The following LRP2 variants were observed in gnomAD, a reference collection of about 807,000 sequenced individuals.
The protein encoded by LRP2 is low-density lipoprotein receptor-related protein 2.
A neutral mutation model predicts 531.0 loss-of-function variants in LRP2; 172 were observed. The ratio of observed to expected loss-of-function variants is 0.32; its 90% confidence interval spans 0.29 to 0.37. LRP2 has a LOEUF of 0.37. Ranked by LOEUF, LRP2 falls within the 10% of genes least tolerant of loss-of-function variation. LRP2 has a pLI of 1.00. For synonymous variants in LRP2, 1,992 were observed against 2,027.6 expected, an observed-to-expected ratio of 0.98 and a Z score of 0.47; for missense variants, 5,167 against 5,868.3, an observed-to-expected ratio of 0.88 and a Z score of 3.90.
chr2:169,290,277 T>TA (rs1414924562), intron 8 of LRP2, among the ~76,000 whole-genome samples: 1 of 146,586 alleles, frequency 6.8e-6, no homozygotes, highest in African/African-American at 2.5e-5. Context: ...TTTTTTTTTT[T>TA]TTTTTTTTTT....
At chr2:169,353,062 C>A (rs1317938847) in intron 1 of LRP2, among the ~76,000 whole-genome samples, 1 of 152,144 alleles carries the variant, frequency 6.6e-6, no homozygotes. Flanking sequence ...TTAAAAAACA[C>A]AGATTTTCAT....
chr2:169,213,439 T>C (rs1396728842), intron 36 of LRP2, among the ~76,000 whole-genome samples: 2 of 152,216 alleles, frequency 1.3e-5, no homozygotes, highest in African/African-American at 4.8e-5. Flanking sequence ...GGGAATAAAC[T>C]TACTCTGAAG....
chr2:169,306,156 A>G (rs913339443), intron 4 of LRP2, among the ~76,000 whole-genome samples: 1 of 151,882 alleles, frequency 6.6e-6, no homozygotes, highest in African/African-American at 2.4e-5. Flanking sequence ...TATATGTTAT[A>G]TGTATATATT....
Position 169,204,083 on chromosome 2 carries a change from G to A in LRP2, c.7904C>T (p.Ser2635Phe). The A allele has an allele frequency of 2.5e-6, 4 of 1,614,152 alleles. No individual in the cohort carries two copies. The highest frequency in any genetic ancestry group is 1.3e-5 in the African/African-American group (1 of 75,036). The change falls in exon 42 of 79, where the codon TCC (serine) becomes TTC (phenylalanine). Residue 2635 changes from serine to phenylalanine, a missense_variant. Physicochemically the swap from Ser to Phe is radical, Grantham distance 155. Coordinates refer to ENST00000649046, the MANE Select transcript of LRP2 (RefSeq NM_004525.3). ...GQIAMTTNLL[S>F]QPRGINTVVK... Reference sequence around the variant, plus strand: ...AACAGTGTTGATTCCCCTGGGCTGGGAGAGCAAATTTGTGGTCATTGCAAT... The same window carrying A: ...AACAGTGTTGATTCCCCTGGGCTGGAAGAGCAAATTTGTGGTCATTGCAAT...
intron 26 of LRP2, 99 bp from the exon 27 acceptor site, chr2:169,238,401 A>C (rs993898387): frequency 2.3e-6 from 2 of 874,008 alleles, no homozygotes; most frequent in Non-Finnish European, 3.7e-6. Context: ...AACAGAAAGA[A>C]GGTGTAATTC....
At chr2:169,198,048 T>C (rs577831257) in intron 45 of LRP2, among the ~76,000 whole-genome samples, 7 of 152,204 alleles carry the variant, frequency 4.6e-5, no homozygotes, top group Non-Finnish European at 1.0e-4. Flanking sequence ...GGAAATTGTT[T>C]GAATGAACCA....
At chr2:169,282,776 CA>C (rs1360329742) in intron 10 of LRP2, 96 bp downstream of exon 10, 20 of 1,401,674 alleles carry the variant, frequency 1.4e-5, no homozygotes, top group Non-Finnish European at 1.0e-6. Context: ...CTGCCAACAA[CA>C]AAAATGCTGA....
chr2:169,142,843 T>C, intron 70 of LRP2, 50 bp from the exon 71 acceptor site: 1 of 1,609,158 alleles, frequency 6.2e-7, no homozygotes, highest in Non-Finnish European at 8.5e-7. Context: ...ATGAATAACC[T>C]GAATACCCAG....
At chr2:169,354,902 T>G (rs1685948866) in intron 1 of LRP2, among the ~76,000 whole-genome samples, 1 of 152,220 alleles carries the variant, frequency 6.6e-6, no homozygotes, top group African/African-American at 2.4e-5. Context: ...TCTTTAAGCT[T>G]CTTTCTCTCT....
chr2:169,197,493 C>T (rs73033887), intron 45 of LRP2, among the ~76,000 whole-genome samples: 11,600 of 152,238 alleles, frequency 0.076, 1,449 homozygotes, highest in African/African-American at 0.26. Context: ...AAGTTATCTT[C>T]GTATTCATCC....
chr2:169,302,435 G>A (rs1684307408), intron 4 of LRP2, among the ~76,000 whole-genome samples: 1 of 151,952 alleles, frequency 6.6e-6, no homozygotes, highest in Admixed American at 6.6e-5. Context: ...TAAATCAGTG[G>A]TTCTCAACTG....
chr2:169,241,126 T>A lies in LRP2; in HGVS notation c.3907A>T (p.Lys1303Ter). Residue 1303 changes from lysine to a stop codon, truncating the protein, a stop_gained, in exon 25 of 79, where the codon AAG (lysine) becomes TAG (stop). Coordinates refer to ENST00000649046, the MANE Select transcript of LRP2 (RefSeq NM_004525.3). LOFTEE classifies it high-confidence loss of function. The stretch of plus-strand genomic sequence containing the variant: ...CGAAAGGGCTGAGTAGGGCAGTCCT[T>A]CTCATCACTCATATCCCCGCAGTCA... ...DNDCGDMSDE[K>*]DCPTQPFRCP... 6.2e-7 allele frequency: 1 copy of A among 1,613,972 alleles called. No individual in the cohort carries two copies. Among genetic ancestry groups the A allele is most frequent in the Non-Finnish European group, 8.5e-7 (1 of 1,179,920 alleles).
chr2:169,310,795 C>T (rs914033566), intron 3 of LRP2, among the ~76,000 whole-genome samples: 1 of 152,154 alleles, frequency 6.6e-6, no homozygotes, highest in Non-Finnish European at 1.5e-5. Flanking sequence ...CCTCCTTGTA[C>T]CTCTGGTAGA....
chr2:169,299,764 C>T (rs1446260443), intron 4 of LRP2, among the ~76,000 whole-genome samples: 1 of 151,994 alleles, frequency 6.6e-6, no homozygotes, highest in Non-Finnish European at 1.5e-5. Flanking sequence ...TTCCCAGGGA[C>T]CCACCTGGGC....
Position 169,181,338 on chromosome 2 carries a change from C to G in LRP2, c.10169+110G>C, listed in dbSNP as rs1433732484. ...AGTGTGACTTCCCCCGAATGACTTC[C>G]AACAGACAGGCCAGTTAGACAATAG... On this transcript the variant is annotated intron_variant, in intron 52 of 78. Coordinates refer to ENST00000649046, the MANE Select transcript of LRP2 (RefSeq NM_004525.3). 5 of 1,096,656 alleles carry G rather than the reference C, an allele frequency of 4.6e-6. No homozygotes were observed. The African/African-American group carries it at 6.2e-5, about 14-fold the overall frequency. The allele number at this position is 1,096,656 out of a possible 1,614,324, so 67.9% of individuals were successfully genotyped here. A position where few individuals can be genotyped will look rare whatever the true frequency, so the allele number is the denominator to read the frequency against.
intron 1 of LRP2, among the ~76,000 whole-genome samples, chr2:169,357,236 C>T (rs550545966): frequency 2.4e-3 from 357 of 151,088 alleles, no homozygotes; most frequent in African/African-American, 8.2e-3. Flanking sequence ...CCATTCAACA[C>T]TCTTTCATAA....
At chr2:169,278,947 G>C (rs993182582) in intron 12 of LRP2, among the ~76,000 whole-genome samples, 1 of 152,182 alleles carries the variant, frequency 6.6e-6, no homozygotes. Context: ...GAAAGGAATA[G>C]TTCCAACCTC....
intron 1 of LRP2, among the ~76,000 whole-genome samples, chr2:169,345,765 A>T (rs1235984343): frequency 6.6e-6 from 1 of 152,102 alleles, no homozygotes; most frequent in Non-Finnish European, 1.5e-5. Flanking sequence ...AAAAAAAAAA[A>T]AAAAAACGAG....
At chr2:169,297,193 A>T (rs1684153895) in intron 4 of LRP2, among the ~76,000 whole-genome samples, 1 of 152,224 alleles carries the variant, frequency 6.6e-6, no homozygotes, top group Admixed American at 6.5e-5. Context: ...AAATGAATGG[A>T]TTCTACTACC....
Sources: gnomAD v4.1 joint callset for allele counts (sites outside exome capture counted in the v4.1 genomes callset) on GRCh38, gnomAD v4.1.1 for gene constraint, MANE v1.5 for transcripts, NCBI Gene and HGNC (gene_info 2026-07-23, HGNC 2026-07-21) for gene names.